SEC23IP: variants seen among roughly 807,000 people sequenced by gnomAD.
The protein encoded by SEC23IP is SEC23-interacting protein.
Under a neutral mutation model 113.4 loss-of-function variants are expected in SEC23IP, and 70 were observed. The ratio of observed to expected loss-of-function variants is 0.62; its 90% CI spans 0.51 to 0.75. SEC23IP has a LOEUF of 0.75. Among genes scored for constraint, SEC23IP ranks in the 30% least tolerant of loss-of-function variants. The probability of loss-of-function intolerance (pLI) is 0.00; values close to 1 mark genes in which losing one functional copy is unlikely to be tolerated. For missense variants in SEC23IP, 1,160 were observed against 1,204.9 expected (o/e 0.96, Z 0.55); for synonymous variants, 398 against 421.0 (o/e 0.95, Z 0.67).
intron 11 of SEC23IP, 23 bp from the exon 12 acceptor site, chr10:119,920,866 T>C (rs1198965907): frequency 6.8e-6 from 10 of 1,471,290 alleles, no homozygotes; most frequent in Admixed American, 5.2e-5. Flanking sequence ...TTGATTAATG[T>C]GCTTGTCTGT....
At chr10:119,908,673 G>A (rs1205822551) in intron 4 of SEC23IP, among the ~76,000 whole-genome samples, 23 of 152,178 alleles carry the variant, frequency 1.5e-4, no homozygotes, top group Admixed American at 1.5e-3. Flanking sequence ...AGCTTTCAGA[G>A]GAACGGTGGC....
intron 4 of SEC23IP, among the ~76,000 whole-genome samples, chr10:119,906,410 GTTTTTTT>G (rs57638351): frequency 7.4e-6 from 1 of 134,452 alleles, no homozygotes; most frequent in South Asian, 2.4e-4. Context: ...TCACATCAGG[GTTTTTTT>G]TTTTTTTTGG....
At chr10:119,900,922 A>C in intron 2 of SEC23IP, among the ~76,000 whole-genome samples, 1 of 151,744 alleles carries the variant, frequency 6.6e-6, no homozygotes, top group East Asian at 1.9e-4. Context: ...CAAACATATA[A>C]TACCTATGGT....
At chr10:119,924,325 A>G (rs1194758082) in intron 12 of SEC23IP, among the ~76,000 whole-genome samples, 5 of 151,996 alleles carry the variant, frequency 3.3e-5, no homozygotes. Flanking sequence ...TCCCCCTCCC[A>G]CCCAACTGTT....
chr10:119,900,394 C>T (rs192071587), intron 2 of SEC23IP, among the ~76,000 whole-genome samples: 2 of 151,620 alleles, frequency 1.3e-5, no homozygotes, highest in African/African-American at 2.4e-5. Flanking sequence ...ACTGTAGCCT[C>T]GAATTCTCAG....
chr10:119,894,518 T>C (rs1854205045), intron 1 of SEC23IP, among the ~76,000 whole-genome samples: 1 of 152,224 alleles, frequency 6.6e-6, no homozygotes, highest in African/African-American at 2.4e-5. Flanking sequence ...CACGATTATA[T>C]TCCCACTGCC....
chr10:119,909,163 A>G (rs1202082382), intron 5 of SEC23IP, 33 bp downstream of exon 5: 14 of 1,388,112 alleles, frequency 1.0e-5, no homozygotes, highest in Non-Finnish European at 1.4e-5. Flanking sequence ...TAAGGTATTA[A>G]GTTCATTTTA....
Position 119,933,066 on chromosome 10 carries a change from A to C in SEC23IP, c.2820A>C (p.Gly940=). The C allele has an allele frequency of 1.2e-6, 2 of 1,614,112 alleles. No individual in the cohort carries two copies. Among genetic ancestry groups the C allele is most frequent in the South Asian group, 2.2e-5 (2 of 91,082 alleles). Residue 940 remains glycine (G), a synonymous_variant, in exon 17 of 19, where the codon GGA becomes GGC. Transcript: ENST00000369075. ...SKDEDYLGKV[G]MLNGGRRIDY... is the part of the protein sequence containing the mutation. ...ATGAGGACTACTTAGGAAAGGTTGGAATGTTAAATGGAGGCCGCCGAATTG... is the reference window on the plus strand; with the variant it reads ...ATGAGGACTACTTAGGAAAGGTTGGCATGTTAAATGGAGGCCGCCGAATTG...
chr10:119,919,342 T>G, intron 10 of SEC23IP, 102 bp from the exon 11 acceptor site: 1 of 1,132,808 alleles, frequency 8.8e-7, no homozygotes, highest in South Asian at 1.6e-5. Context: ...AAATTATGAT[T>G]TCTGTGTAAA....
chr10:119,900,869 A>G (rs181161242), intron 2 of SEC23IP, among the ~76,000 whole-genome samples: 4 of 152,268 alleles, frequency 2.6e-5, no homozygotes, highest in Admixed American at 2.0e-4. Context: ...AAAAATGTCC[A>G]TAGATAACCA....
chr10:119,907,016 G>A (rs1854694190), intron 4 of SEC23IP, among the ~76,000 whole-genome samples: 1 of 151,062 alleles, frequency 6.6e-6, no homozygotes, highest in Non-Finnish European at 1.5e-5. Context: ...CAAAAGACTA[G>A]GCTGGGCATG....
chr10:119,921,044 AT>A, intron 12 of SEC23IP, 60 bp downstream of exon 12: 2 of 1,234,188 alleles, frequency 1.6e-6, no homozygotes, highest in Non-Finnish European at 2.4e-6. Context: ...GCTCGTTTAT[AT>A]TATAGAAAAT....
intron 2 of SEC23IP, among the ~76,000 whole-genome samples, chr10:119,900,983 A>AT (rs1854472863): frequency 8.0e-6 from 1 of 124,968 alleles, no homozygotes; most frequent in African/African-American, 3.1e-5. Flanking sequence ...TGTTACTAAG[A>AT]TTTTTTCTAA....
chr10:119,919,461 G>A lies in SEC23IP; in HGVS notation c.1890G>A (p.Lys630=). The A allele has an allele frequency of 6.3e-7, 1 of 1,597,838 alleles. No individual in the cohort carries two copies. The highest frequency in any genetic ancestry group is 1.1e-5 in the South Asian group (1 of 86,958). ...TTTTAAAGATGCCTGAAGAGCCAAA[G>A]CTGACTTTGGATGAGTCGTATGACC... The part of the protein sequence containing the change: ...FQEKQMPEEP[K]LTLDESYDLV... The change falls in exon 11 of 19, where the codon AAG becomes AAA. Residue 630 remains lysine, a synonymous_variant. Coordinates refer to ENST00000369075, the MANE Select transcript of SEC23IP (RefSeq NM_007190.4).
chr10:119,918,325 A>G, intron 9 of SEC23IP, 68 bp from the exon 10 acceptor site: 1 of 926,594 alleles, frequency 1.1e-6, no homozygotes, highest in Non-Finnish European at 1.7e-6. Flanking sequence ...GACTATAGAC[A>G]GTGAAAAAAG....
chr10:119,893,623 G>A (rs1008569906), intron 1 of SEC23IP, among the ~76,000 whole-genome samples: 5 of 147,304 alleles, frequency 3.4e-5, no homozygotes, highest in Middle Eastern at 3.5e-3. Context: ...AGGTTCAAGT[G>A]ATTCTCCTGC....
At position 119,898,542 on chromosome 10, in the gene SEC23IP, T is replaced by C; in HGVS notation, c.279T>C (p.Phe93=). The C allele has an allele frequency of 6.2e-7, 1 of 1,614,224 alleles. No individual in the cohort carries two copies. The highest frequency in any genetic ancestry group is 1.1e-5 in the South Asian group (1 of 91,086). ...FSQVSSSSDP[F]GNIGQSPLTT... ...AGGTATCAAGCAGCAGTGATCCTTT[T>C]GGGAATATTGGACAGTCACCATTAA... is the stretch of plus-strand genomic sequence containing the variant. Residue 93 remains phenylalanine (F), a synonymous_variant, in exon 2 of 19, where the codon TTT becomes TTC. Transcript: ENST00000369075.
chr10:119,926,332 G>T (rs1325417646), intron 13 of SEC23IP, 105 bp downstream of exon 13: 2 of 1,197,476 alleles, frequency 1.7e-6, no homozygotes, highest in South Asian at 3.8e-5. Flanking sequence ...ACATTTATTT[G>T]TGATGTGGAA....
chr10:119,930,782 G>A (rs187763471), intron 15 of SEC23IP, among the ~76,000 whole-genome samples: 2 of 152,326 alleles, frequency 1.3e-5, no homozygotes, highest in East Asian at 3.9e-4. Context: ...ACTTGATGTT[G>A]TCGAAGTGAG....
Sources: gnomAD v4.1 joint callset for allele counts (sites outside exome capture counted in the v4.1 genomes callset) on GRCh38, gnomAD v4.1.1 for gene constraint, MANE v1.5 for transcripts, NCBI Gene and HGNC (gene_info 2026-07-23, HGNC 2026-07-21) for gene names.